Variants in FUCA1 observed in about 807,000 individuals in gnomAD.
FUCA1 encodes the protein alpha-L-fucosidase 1.
Under a neutral mutation model 56.8 loss-of-function variants are expected in FUCA1, and 52 were observed. The observed-to-expected ratio is 0.92, with a 90% CI of 0.73 to 1.15. The LOEUF is 1.15. FUCA1 is among the 50% of genes most tolerant of loss of function. The probability of loss-of-function intolerance (pLI) is 0.00; values close to 1 mark genes in which losing one functional copy is unlikely to be tolerated. For missense variants in FUCA1, 568 were observed against 592.6 expected, an observed-to-expected ratio of 0.96 and a Z score of 0.43; for synonymous variants, 230 against 226.6, an observed-to-expected ratio of 1.02 and a Z score of -0.14.
At chr1:23,851,371 T>G (rs1470068031) in intron 5 of FUCA1, among the ~76,000 whole-genome samples, 2 of 141,532 alleles carry the variant, frequency 1.4e-5, no homozygotes, top group Non-Finnish European at 3.1e-5. Flanking sequence ...CATAAATAAA[T>G]AAATAAATAT....
intron 4 of FUCA1, among the ~76,000 whole-genome samples, chr1:23,859,569 TA>T (rs761818444): frequency 2.6e-3 from 333 of 128,802 alleles, no homozygotes; most frequent in Middle Eastern, 7.5e-3. Flanking sequence ...CTGTCTCAAT[TA>T]AAAAAAAAAA....
At position 23,852,611 on chromosome 1, in the gene FUCA1, G is replaced by A. The variant is rs1203482462; in HGVS notation, c.969+1749C>T. Among the ~76,000 whole-genome samples, 20 of 152,178 alleles carry A rather than the reference G, an allele frequency of 1.3e-4. 2 individuals are homozygous for A. The highest frequency in any genetic ancestry group is 4.8e-4 in the African/African-American group (20 of 41,526). On this transcript the variant is annotated intron_variant, in intron 5 of 7. Coordinates refer to ENST00000374479, the MANE Select transcript of FUCA1 (RefSeq NM_000147.5). ...CTGCCTCAGCCTGCCGAGTGCCTGC[G>A]ATTGCAGGTGCGCGCCACCACGCCT...
At chr1:23,857,205 C>CAT (rs1053979199) in intron 4 of FUCA1, among the ~76,000 whole-genome samples, 1 of 152,100 alleles carries the variant, frequency 6.6e-6, no homozygotes, top group Non-Finnish European at 1.5e-5. Context: ...ACACCCTGAA[C>CAT]ATATATACAT....
In FUCA1 at chr1:23,868,076, C is replaced by A; in HGVS notation, c.211G>T (p.Ala71Ser). 6.2e-7 allele frequency: 1 copy of A among 1,611,576 alleles called. No individual in the cohort carries two copies. Among genetic ancestry groups the A allele is most frequent in the Non-Finnish European group, 8.5e-7 (1 of 1,179,458 alleles). ...FIHWGVFSVP[A>S]WGSEWFWWHW... is the part of the protein sequence containing the mutation. ...CACCAGAACCACTCGCTGCCCCAGG[C>A]GGGCACCGAGAACACGCCCCAGTGG... Residue 71 changes from alanine to serine, a missense_variant, in exon 1 of 8, where the codon GCC becomes TCC. Ala to Ser is a moderately conservative substitution (Grantham distance 99, BLOSUM62 1). Transcript: ENST00000374479.
chr1:23,855,172 T>C (rs1639366950), intron 4 of FUCA1, among the ~76,000 whole-genome samples: 1 of 151,788 alleles, frequency 6.6e-6, no homozygotes, highest in Admixed American at 6.6e-5. Flanking sequence ...TGATAAATCA[T>C]ACATGGAATA....
At chr1:23,852,102 A>AT (rs10529609) in intron 5 of FUCA1, among the ~76,000 whole-genome samples, 16 of 150,272 alleles carry the variant, frequency 1.1e-4, no homozygotes, top group South Asian at 2.1e-4. Flanking sequence ...AATAATAATA[A>AT]AAAGTGGTTT....
chr1:23,858,002 A>G (rs1229694655), intron 4 of FUCA1, among the ~76,000 whole-genome samples: 1 of 150,702 alleles, frequency 6.6e-6, no homozygotes, highest in Non-Finnish European at 1.5e-5. Context: ...TCTGTGCATC[A>G]TATAGAATCT....
At chr1:23,851,688 T>A (rs1404258757) in intron 5 of FUCA1, among the ~76,000 whole-genome samples, 1 of 152,044 alleles carries the variant, frequency 6.6e-6, no homozygotes, top group Non-Finnish European at 1.5e-5. Context: ...TAAAAAAGAA[T>A]GAGTTCATGT....
intron 2 of FUCA1, among the ~76,000 whole-genome samples, chr1:23,864,767 C>T (rs567437423): frequency 1.3e-5 from 2 of 149,656 alleles, no homozygotes; most frequent in African/African-American, 2.5e-5. Context: ...TGCAGTGGTG[C>T]GATCTTGGCT....
Position 23,868,209 on chromosome 1 carries a change from C to T in FUCA1, c.78G>A (p.Glu26=). The T allele has an allele frequency of 6.3e-7, 1 of 1,592,892 alleles. No homozygotes were observed. The highest frequency in any genetic ancestry group is 8.5e-7 in the Non-Finnish European group (1 of 1,170,624). Residue 26 remains glutamate, a synonymous_variant, in exon 1 of 8, where the codon GAG becomes GAA. Coordinates refer to ENST00000374479, the MANE Select transcript of FUCA1 (RefSeq NM_000147.5). ...GCGGAGGCTGGGCCCGACGCACCGA[C>T]TCGGCCGCTCCGAGGAAGAGCAGCA... is the stretch of plus-strand genomic sequence containing the variant. ...LLLLLFLGAA[E]SVRRAQPPRR...
chr1:23,851,869 T>C (rs572101244), intron 5 of FUCA1, among the ~76,000 whole-genome samples: 14 of 150,836 alleles, frequency 9.3e-5, no homozygotes, highest in African/African-American at 3.4e-4. Flanking sequence ...AATGTGGGGG[T>C]GAGGGGAGGG....
At chr1:23,855,709 A>C (rs1333007615) in intron 4 of FUCA1, among the ~76,000 whole-genome samples, 1 of 152,232 alleles carries the variant, frequency 6.6e-6, no homozygotes. Context: ...CTGGTACTTG[A>C]TTATCAATGT....
At chr1:23,864,475 G>T (rs948325458) in intron 2 of FUCA1, among the ~76,000 whole-genome samples, 5 of 152,188 alleles carry the variant, frequency 3.3e-5, no homozygotes, top group African/African-American at 1.2e-4. Context: ...GTTAAGAATG[G>T]TGAGTGTTAC....
chr1:23,867,936 C>T lies in FUCA1; in HGVS notation c.351G>A (p.Pro117=), dbSNP rs752603565. The stretch of plus-strand genomic sequence containing the variant: ...CCTGGAAGAGGTCGGCCCACTCCTC[C>T]GGGTGGAAGAAGCGCGCAGTGAACT... The part of the protein sequence containing the change: ...GPQFTARFFH[P]EEWADLFQAA... Residue 117 remains proline, a synonymous_variant, in exon 1 of 8, where the codon CCG becomes CCA. Transcript: ENST00000374479. This position sits in a 1 kb window ranked among gnomAD's most constrained non-coding sequence, Gnocchi z 4.9. 1 of 1,563,350 alleles carries T rather than the reference C, an allele frequency of 6.4e-7. No individual in the cohort carries two copies. Among genetic ancestry groups the T allele is most frequent in the Non-Finnish European group, 8.7e-7 (1 of 1,154,592 alleles).
intron 4 of FUCA1, among the ~76,000 whole-genome samples, chr1:23,858,874 C>T (rs1639448593): frequency 6.6e-6 from 1 of 152,128 alleles, no homozygotes; most frequent in South Asian, 2.1e-4. Flanking sequence ...CAGCCTCCCC[C>T]CACATCAGCC....
chr1:23,861,191 C>T (rs1011227381), intron 3 of FUCA1, among the ~76,000 whole-genome samples: 3 of 151,406 alleles, frequency 2.0e-5, no homozygotes, highest in African/African-American at 4.8e-5. Flanking sequence ...GGCATGGTGG[C>T]GGGCGCCTGT....
intron 5 of FUCA1, among the ~76,000 whole-genome samples, chr1:23,850,815 G>A (rs953524721): frequency 1.3e-5 from 2 of 151,974 alleles, no homozygotes; most frequent in Admixed American, 6.6e-5. Flanking sequence ...AATAGAGATG[G>A]GGTCTCACTA....
chr1:23,855,068 C>A (rs1180842049), intron 4 of FUCA1, among the ~76,000 whole-genome samples: 1 of 150,388 alleles, frequency 6.6e-6, no homozygotes, highest in African/African-American at 2.5e-5. Flanking sequence ...TAATCCCAGC[C>A]TTACTTACGT....
chr1:23,849,575 CTTTTTTT>C lies in FUCA1; in HGVS notation c.970-743_970-737del, dbSNP rs991049814. 6.2e-5 allele frequency among the ~76,000 whole-genome samples: 5 copies of C among 80,262 alleles called. No individual in the cohort carries two copies. In the South Asian group the frequency reaches 1.4e-3, roughly 22 times the overall value. 52.7% of individuals were successfully genotyped at this position (80,262 alleles called of 152,430 possible). On this transcript the variant is annotated intron_variant, in intron 5 of 7. Transcript: ENST00000374479. ...GAAAACTGCTATAAAGAGATACGTTCTTTTTTTTTTTTTTTTTTTTTTTTTGAGACGG... is the reference window on the plus strand; with the variant it reads ...GAAAACTGCTATAAAGAGATACGTTCTTTTTTTTTTTTTTTTTTGAGACGG...
Sources: gnomAD v4.1 joint callset for allele counts (sites outside exome capture counted in the v4.1 genomes callset) on GRCh38, gnomAD v4.1.1 for gene constraint, Gnocchi (gnomAD v3.1) non-coding constraint, MANE v1.5 for transcripts, NCBI Gene and HGNC (gene_info 2026-07-23, HGNC 2026-07-21) for gene names.